FOXN3: variants seen among roughly 807,000 people sequenced by gnomAD.
FOXN3 encodes forkhead box protein N3.
In FOXN3, 7 loss-of-function variants were observed where a neutral mutation model predicts 38.4. The observed-to-expected ratio is 0.18, with a 90% CI of 0.10 to 0.34. The LOEUF is 0.34. Ranked by LOEUF, FOXN3 falls within the 10% of genes least tolerant of loss-of-function variation. FOXN3 has a pLI of 1.00. For missense variants in FOXN3, 456 were observed against 613.4 expected, an observed-to-expected ratio of 0.74 and a Z score of 2.71; for synonymous variants, 230 against 242.2, an observed-to-expected ratio of 0.95 and a Z score of 0.47.
At chr14:89,291,466 T>C in intron 3 of FOXN3, 1 of 607,162 alleles carries the variant, frequency 1.6e-6, no homozygotes, top group South Asian at 1.4e-5. Context: ...CCACGGAGGG[T>C]GCCACACCTC....
chr14:89,213,290 T>C (rs777056588), intron 4 of FOXN3, among the ~76,000 whole-genome samples: 4 of 152,268 alleles, frequency 2.6e-5, no homozygotes, highest in Non-Finnish European at 5.9e-5. Context: ...CATTAAATTC[T>C]GTTAAAGACA....
chr14:89,563,555 G>A (rs968118859), intron 1 of FOXN3, among the ~76,000 whole-genome samples: 1 of 152,126 alleles, frequency 6.6e-6, no homozygotes, highest in East Asian at 1.9e-4. Context: ...TTCCTGTTTG[G>A]GTTGTCCAGG....
chr14:89,288,720 CTCTCTATATATATATATA>C (rs1566947691), intron 3 of FOXN3, among the ~76,000 whole-genome samples: 129 of 37,328 alleles, frequency 3.5e-3, no homozygotes, highest in Non-Finnish European at 4.3e-3. Flanking sequence ...CTCTCTCTCT[CTCTCTATATATATATATA>C]TATATATATA....
chr14:89,323,505 G>A lies in FOXN3; in HGVS notation c.680+27167C>T, dbSNP rs547950878. Among the ~76,000 whole-genome samples, 3 of 152,066 alleles carry A rather than the reference G, an allele frequency of 2.0e-5. 1 individual carries two copies. In the South Asian group the frequency reaches 6.2e-4, roughly 32 times the overall value. On this transcript the variant is annotated intron_variant, in intron 3 of 5. Coordinates refer to ENST00000557258, the MANE Select transcript of FOXN3 (RefSeq NM_005197.4). ...GGAGGCCAAGGTGGGTGGATCACGA[G>A]GTCAGGAGTTTGAGACCAGCCTGAC...
Position 89,288,072 on chromosome 14 carries a change from T to A in FOXN3, c.681-7058A>T, listed in dbSNP as rs528880233. 5.6e-3 allele frequency among the ~76,000 whole-genome samples: 831 copies of A among 149,536 alleles called. 6 individuals are homozygous for A. Among genetic ancestry groups the A allele is most frequent in the Non-Finnish European group, 8.0e-3 (540 of 67,446 alleles). Reference sequence around the variant, plus strand: ...CAAGACCCTGTCTCAAAAAAAAATATATATATATATAGCTCCATGCAGAAT... The same window carrying A: ...CAAGACCCTGTCTCAAAAAAAAATAAATATATATATAGCTCCATGCAGAAT... On this transcript the variant is annotated intron_variant, in intron 3 of 5. Coordinates refer to ENST00000557258, the MANE Select transcript of FOXN3 (RefSeq NM_005197.4).
intron 1 of FOXN3, among the ~76,000 whole-genome samples, chr14:89,460,190 G>A (rs117828752): frequency 0.022 from 3,364 of 152,226 alleles, 66 homozygotes; most frequent in Non-Finnish European, 0.034. Flanking sequence ...TGAGCGTTCC[G>A]GGGAAGGCTG....
chr14:89,308,841 C>A (rs966631902), intron 3 of FOXN3, among the ~76,000 whole-genome samples: 1 of 152,102 alleles, frequency 6.6e-6, no homozygotes, highest in Non-Finnish European at 1.5e-5. Context: ...AAGGAGGCAG[C>A]GAAGGACAGG....
At chr14:89,326,433 C>T (rs28503320) in intron 3 of FOXN3, among the ~76,000 whole-genome samples, 4,823 of 152,276 alleles carry the variant, frequency 0.032, 242 homozygotes, top group African/African-American at 0.11. Context: ...AAAAGCATCC[C>T]TTCACCAAGG....
chr14:89,396,126 T>G (rs561999348), intron 2 of FOXN3, among the ~76,000 whole-genome samples: 1 of 152,074 alleles, frequency 6.6e-6, no homozygotes, highest in Non-Finnish European at 1.5e-5. Context: ...AAACAAAAAT[T>G]TATAGGTTAA....
At chr14:89,288,704 CTCTCTCTCTCTCTCTCTCTCTATATATA>C (rs1886737083) in intron 3 of FOXN3, among the ~76,000 whole-genome samples, 16 of 93,836 alleles carry the variant, frequency 1.7e-4, no homozygotes, top group African/African-American at 8.5e-4. Flanking sequence ...CTCTCTCTCT[CTCTCTCTCTCTCTCTCTCTCTATATATA>C]TATATATATA....
At chr14:89,490,220 C>T (rs1181878657) in intron 1 of FOXN3, among the ~76,000 whole-genome samples, 1 of 152,214 alleles carries the variant, frequency 6.6e-6, no homozygotes, top group Non-Finnish European at 1.5e-5. Context: ...TCCTCAGCGA[C>T]GGCTAATGAA....
At chr14:89,263,847 T>A (rs1885884246) in intron 4 of FOXN3, 1 of 150,862 alleles carries the variant, frequency 6.6e-6, no homozygotes, top group African/African-American at 2.4e-5. Flanking sequence ...AAGTCAGGAG[T>A]TTGAGACCAG....
In FOXN3 at chr14:89,555,838, G is replaced by GGTGTGTGTGTGTGTGTGTGTGTGT. The variant is rs201016882; in HGVS notation, c.-15+63166_-15+63189dup. Among the ~76,000 whole-genome samples the GGTGTGTGTGTGTGTGTGTGTGTGT allele has an allele frequency of 1.1e-3, 98 of 89,688 alleles. 5 individuals are homozygous for GGTGTGTGTGTGTGTGTGTGTGTGT. The highest frequency in any genetic ancestry group is 2.5e-3 in the East Asian group (8 of 3,164). The allele number at this position is 89,688 out of a possible 152,430, so 58.8% of individuals were successfully genotyped here. ...TCATAAAGCTTACCTTCTAGTTCAT[G>GGTGTGTGTGTGTGTGTGTGTGTGT]GTGTGTGTGTGTGTGTGTGTGTGTG... On this transcript the variant is annotated intron_variant, in intron 1 of 6. Transcript: ENST00000345097.
intron 1 of FOXN3, among the ~76,000 whole-genome samples, chr14:89,423,210 G>C (rs953897842): frequency 6.6e-6 from 1 of 152,170 alleles, no homozygotes; most frequent in Admixed American, 6.5e-5. Context: ...CCAGTAGTGG[G>C]GAGGCGCAGT....
chr14:89,584,692 T>G (rs1229886263), intron 1 of FOXN3, among the ~76,000 whole-genome samples: 1 of 152,118 alleles, frequency 6.6e-6, no homozygotes, highest in African/African-American at 2.4e-5. Context: ...GTCTTTTCTC[T>G]TCTTTTCTTC....
chr14:89,397,237 G>C (rs1295877349), intron 2 of FOXN3, among the ~76,000 whole-genome samples: 1 of 151,986 alleles, frequency 6.6e-6, no homozygotes, highest in Non-Finnish European at 1.5e-5. Context: ...TAAATGATGA[G>C]AACACATGGA....
intron 1 of FOXN3, among the ~76,000 whole-genome samples, chr14:89,511,854 C>T (rs1894099789): frequency 6.6e-6 from 1 of 152,102 alleles, no homozygotes; most frequent in Non-Finnish European, 1.5e-5. Context: ...ATGGCAGGAA[C>T]AAGAAGAATA....
chr14:89,533,813 G>A (rs772182838), intron 1 of FOXN3, among the ~76,000 whole-genome samples: 1 of 151,784 alleles, frequency 6.6e-6, no homozygotes, highest in Non-Finnish European at 1.5e-5. Flanking sequence ...AAAGAGCAAC[G>A]AGAAAAGCTC....
rs1887162258 is a variant in FOXN3, at chr14:89,163,582, G to C, written c.852-613C>G. 6.6e-6 allele frequency among the ~76,000 whole-genome samples: 1 copy of C among 152,304 alleles called. No homozygotes were observed. Among genetic ancestry groups the C allele is most frequent in the South Asian group, 2.1e-4 (1 of 4,824 alleles). ...GGGACACGGGGTTGGATCGGATATA[G>C]ACACTGCCACAGCGATGTTGCAGCC... On this transcript the variant is annotated intron_variant, in intron 5 of 5. Coordinates refer to ENST00000557258, the MANE Select transcript of FOXN3 (RefSeq NM_005197.4). This position sits in a 1 kb window ranked among gnomAD's most constrained non-coding sequence, Gnocchi z 4.3.
Sources: allele counts gnomAD v4.1 joint callset (sites outside exome capture counted in the v4.1 genomes callset), GRCh38; gene constraint gnomAD v4.1.1; non-coding constraint Gnocchi (gnomAD v3.1); transcripts MANE v1.5; gene names NCBI Gene and HGNC (gene_info 2026-07-23, HGNC 2026-07-21).